The following KCNH1 variants were observed in gnomAD, a reference collection of about 807,000 sequenced individuals.
KCNH1 encodes potassium voltage-gated channel subfamily H member 1.
KCNH1 carries 27 observed loss-of-function variants against 69.2 expected under a neutral mutation model. The ratio of observed to expected loss-of-function variants is 0.39; its 90% CI spans 0.29 to 0.54. KCNH1 has a LOEUF of 0.54. Among genes scored for constraint, KCNH1 ranks in the 20% least tolerant of loss-of-function variants. The pLI is 0.68. For synonymous variants in KCNH1, 456 were observed against 487.7 expected (o/e 0.93, Z 0.86); for missense variants, 798 against 1,261.6 (o/e 0.63, Z 5.57).
intron 7 of KCNH1, among the ~76,000 whole-genome samples, chr1:210,857,206 G>A (rs1685873086): frequency 6.6e-6 from 1 of 152,058 alleles, no homozygotes; most frequent in Admixed American, 6.6e-5. Flanking sequence ...GCGACTACAC[G>A]TTTAGTGCTT....
Position 211,133,625 on chromosome 1 carries a change from G to A in KCNH1, c.79+242C>T, listed in dbSNP as rs559799194. On this transcript the variant is annotated intron_variant, in intron 1 of 10. Coordinates refer to ENST00000271751, the MANE Select transcript of KCNH1 (RefSeq NM_172362.3). The surrounding 1 kb of genome is among the most constrained non-coding windows in gnomAD (Gnocchi z 5.4). ...TCCTTGGAGATAAGACCGAGAGGGCGCTAGAAAGGCCCAAAAGGCGTCCCC... is the reference window on the plus strand; with the variant it reads ...TCCTTGGAGATAAGACCGAGAGGGCACTAGAAAGGCCCAAAAGGCGTCCCC... 9.9e-5 allele frequency among the ~76,000 whole-genome samples: 15 copies of A among 152,254 alleles called. No homozygotes were observed. The highest frequency in any genetic ancestry group is 1.3e-4 in the Admixed American group (2 of 15,292).
chr1:210,910,634 G>A (rs548039613), intron 7 of KCNH1, among the ~76,000 whole-genome samples: 1 of 152,238 alleles, frequency 6.6e-6, no homozygotes, highest in African/African-American at 2.4e-5. Flanking sequence ...TTTGCATTCT[G>A]CCTTCACCAT....
intron 7 of KCNH1, among the ~76,000 whole-genome samples, chr1:210,873,269 G>A (rs1686289963): frequency 6.6e-6 from 1 of 152,116 alleles, no homozygotes; most frequent in East Asian, 1.9e-4. Flanking sequence ...GATATTGGAA[G>A]GTGTATCATG....
intron 5 of KCNH1, among the ~76,000 whole-genome samples, chr1:211,069,456 G>A (rs777639677): frequency 1.3e-5 from 2 of 151,602 alleles, no homozygotes; most frequent in Non-Finnish European, 2.9e-5. Context: ...TTATCAGACT[G>A]GGAATTTAAA....
chr1:210,915,999 G>A (rs369172010), intron 7 of KCNH1, among the ~76,000 whole-genome samples: 3 of 152,208 alleles, frequency 2.0e-5, no homozygotes, highest in South Asian at 4.2e-4. Flanking sequence ...CTTAAGGAGT[G>A]CTAGGCCTGA....
chr1:210,743,116 C>T (rs1020287051), intron 10 of KCNH1, among the ~76,000 whole-genome samples: 11 of 151,984 alleles, frequency 7.2e-5, no homozygotes, highest in Non-Finnish European at 1.3e-4. Flanking sequence ...AGTTCCTGGC[C>T]AAAGCAAGAG....
At chr1:210,775,863 T>A (rs1006597362) in intron 9 of KCNH1, among the ~76,000 whole-genome samples, 4 of 152,194 alleles carry the variant, frequency 2.6e-5, no homozygotes, top group African/African-American at 9.6e-5. Flanking sequence ...ACCCCCTTTT[T>A]CCCCTATAAC....
chr1:211,092,817 C>CA (rs538989814), intron 3 of KCNH1, among the ~76,000 whole-genome samples: 18 of 141,286 alleles, frequency 1.3e-4, no homozygotes, highest in South Asian at 6.9e-4. Context: ...ACACACAAAT[C>CA]AAAAAAAACC....
chr1:210,781,059 A>AAACC (rs1268844381), intron 9 of KCNH1, among the ~76,000 whole-genome samples: 2 of 152,160 alleles, frequency 1.3e-5, no homozygotes, highest in Non-Finnish European at 2.9e-5. Flanking sequence ...ACAAACAAAC[A>AAACC]AACAAAACTG....
At chr1:210,909,833 A>C (rs1687191032) in intron 7 of KCNH1, among the ~76,000 whole-genome samples, 1 of 152,216 alleles carries the variant, frequency 6.6e-6, no homozygotes, top group African/African-American at 2.4e-5. Flanking sequence ...GCAGTTTTTG[A>C]TGCCAACAAG....
At chr1:210,750,540 C>T (rs954184842) in intron 10 of KCNH1, among the ~76,000 whole-genome samples, 2 of 152,150 alleles carry the variant, frequency 1.3e-5, no homozygotes, top group African/African-American at 4.8e-5. Context: ...AATCTAACTG[C>T]TCATCCCAAA....
intron 7 of KCNH1, among the ~76,000 whole-genome samples, chr1:210,878,066 T>C (rs949727673): frequency 1.3e-5 from 2 of 152,200 alleles, no homozygotes; most frequent in African/African-American, 4.8e-5. Context: ...CATTTAGATA[T>C]TGTTTTTTAA....
Position 211,061,807 on chromosome 1 carries a change from A to AGT in KCNH1, c.558+20972_558+20973insAC, listed in dbSNP as rs146628261. ...AAGCTACAAAACATTGAGGCAAGAA[A>AGT]TAGAAGAGGACACACACAAAAAAGG... On this transcript the variant is annotated intron_variant, in intron 5 of 10. Transcript: ENST00000271751. Among the ~76,000 whole-genome samples the AGT allele has an allele frequency of 5.7e-3, 865 of 152,276 alleles. 8 individuals carry two copies. The highest frequency in any genetic ancestry group is 0.02 in the African/African-American group (827 of 41,564).
chr1:210,721,800 AAAATAAATAAAT>A (rs71728390), intron 10 of KCNH1, among the ~76,000 whole-genome samples: 19 of 151,212 alleles, frequency 1.3e-4, no homozygotes, highest in South Asian at 4.2e-4. Flanking sequence ...AAGTATAATA[AAAATAAATAAAT>A]AAATAAATAA....
chr1:210,971,243 AC>A (rs1280562271), intron 6 of KCNH1, among the ~76,000 whole-genome samples: 2 of 152,094 alleles, frequency 1.3e-5, no homozygotes, highest in African/African-American at 4.8e-5. Flanking sequence ...ATGAGCCACC[AC>A]AGCCGACCCA....
chr1:210,878,708 G>A (rs1455163125), intron 7 of KCNH1, among the ~76,000 whole-genome samples: 1 of 151,960 alleles, frequency 6.6e-6, no homozygotes, highest in Admixed American at 6.6e-5. Flanking sequence ...AATCACCTAA[G>A]CTTCCACCTT....
At chr1:210,995,195 C>G (rs1459681790) in intron 6 of KCNH1, among the ~76,000 whole-genome samples, 1 of 152,042 alleles carries the variant, frequency 6.6e-6, no homozygotes, top group African/African-American at 2.4e-5. Flanking sequence ...GACAGGCTTC[C>G]AAAAAATCTT....
chr1:210,687,605 G>A (rs1168921375), intron 10 of KCNH1, among the ~76,000 whole-genome samples: 1 of 152,164 alleles, frequency 6.6e-6, no homozygotes, highest in African/African-American at 2.4e-5. Context: ...CAACCCCCAG[G>A]GGACAAGGCA....
chr1:211,043,039 C>T (rs895052670), intron 5 of KCNH1, among the ~76,000 whole-genome samples: 1 of 152,002 alleles, frequency 6.6e-6, no homozygotes, highest in Non-Finnish European at 1.5e-5. Flanking sequence ...TAAGGTCACA[C>T]CTCAAGGAAC....
Sources: allele counts gnomAD v4.1 joint callset (sites outside exome capture counted in the v4.1 genomes callset), GRCh38; gene constraint gnomAD v4.1.1; non-coding constraint Gnocchi (gnomAD v3.1); transcripts MANE v1.5; gene names NCBI Gene and HGNC (gene_info 2026-07-23, HGNC 2026-07-21).